Variants in LRP1B observed in about 807,000 individuals in gnomAD.
The protein encoded by LRP1B is LDL receptor related protein 1B.
Under a neutral mutation model 556.6 loss-of-function variants are expected in LRP1B, and 217 were observed. That is an observed-to-expected ratio of 0.39 (90% CI 0.35 to 0.44). The LOEUF (loss-of-function observed/expected upper bound fraction) is 0.44. LRP1B is among the 20% of genes least tolerant of loss of function. The pLI, the probability that LRP1B is intolerant of heterozygous loss-of-function variation, is 1.00. For missense variants in LRP1B, 5,053 were observed against 5,620.8 expected (o/e 0.90, Z 3.23); for synonymous variants, 2,047 against 1,865.8 (o/e 1.10, Z -2.50).
chr2:141,700,513 A>G (rs983327894), intron 2 of LRP1B, among the ~76,000 whole-genome samples: 1 of 151,778 alleles, frequency 6.6e-6, no homozygotes, highest in Non-Finnish European at 1.5e-5. Flanking sequence ...TTTACATGTA[A>G]CCCATAAATT....
intron 2 of LRP1B, among the ~76,000 whole-genome samples, chr2:141,772,520 G>A (rs1898424): frequency 0.3 from 45,930 of 152,062 alleles, 7,277 homozygotes; most frequent in African/African-American, 0.41. Context: ...CCAAGACCCA[G>A]TGAATCAGTA....
At chr2:140,583,973 G>A (rs1233265578) in intron 43 of LRP1B, among the ~76,000 whole-genome samples, 2 of 152,082 alleles carry the variant, frequency 1.3e-5, no homozygotes, top group Non-Finnish European at 2.9e-5. Flanking sequence ...GAGTTATTTA[G>A]CTGTAGTCAT....
At chr2:142,055,508 T>C (rs781733926) in intron 1 of LRP1B, among the ~76,000 whole-genome samples, 27 of 152,172 alleles carry the variant, frequency 1.8e-4, no homozygotes, top group Non-Finnish European at 3.8e-4. Context: ...GCATAATTGT[T>C]TAATTCACCC....
intron 33 of LRP1B, 80 bp downstream of exon 33, chr2:140,776,018 A>G: frequency 4.3e-6 from 5 of 1,173,726 alleles, no homozygotes; most frequent in East Asian, 2.8e-5. Flanking sequence ...GAAACCTTTT[A>G]TTGTTGAATT....
At chr2:140,566,778 G>A (rs186785439) in intron 43 of LRP1B, among the ~76,000 whole-genome samples, 2 of 152,180 alleles carry the variant, frequency 1.3e-5, no homozygotes, top group East Asian at 1.9e-4. Context: ...ACACCTCCTG[G>A]GAAAACATAC....
chr2:140,622,991 G>T (rs1210069080), intron 41 of LRP1B, among the ~76,000 whole-genome samples: 2 of 152,096 alleles, frequency 1.3e-5, no homozygotes, highest in African/African-American at 4.8e-5. Context: ...CAGAAATGGA[G>T]AAATGAAATA....
chr2:141,431,318 A>C (rs932936222), intron 3 of LRP1B, among the ~76,000 whole-genome samples: 6 of 152,062 alleles, frequency 3.9e-5, no homozygotes, highest in African/African-American at 9.7e-5. Flanking sequence ...TCTGAGATGT[A>C]ATAGGCTACA....
intron 3 of LRP1B, among the ~76,000 whole-genome samples, chr2:141,470,555 A>G (rs1682423375): frequency 6.6e-6 from 1 of 152,176 alleles, no homozygotes. Flanking sequence ...CTCTGGGTTG[A>G]TATGTTAAGG....
chr2:140,239,915 A>G (rs997367435), intron 87 of LRP1B, among the ~76,000 whole-genome samples: 1 of 151,022 alleles, frequency 6.6e-6, no homozygotes, highest in Middle Eastern at 3.4e-3. Flanking sequence ...CACTGACCAC[A>G]TTCCCACCCT....
rs369991772 is a variant in LRP1B at position 142,059,706 on chromosome 2, C to T, written c.82+70942G>A. On this transcript the variant is annotated intron_variant, in intron 1 of 90. Coordinates refer to ENST00000389484, the MANE Select transcript of LRP1B (RefSeq NM_018557.3). ...GAAATGACTGCTTCTTTCTCTCCTT[C>T]CACATGACTGCCTTATTTTTATTTC... Among the ~76,000 whole-genome samples the T allele has an allele frequency of 3.3e-5, 5 of 152,152 alleles. No individual in the cohort carries two copies. The East Asian group carries it at 5.8e-4, about 18-fold the overall frequency.
intron 11 of LRP1B, among the ~76,000 whole-genome samples, chr2:141,020,504 C>T (rs562404394): frequency 6.6e-6 from 1 of 152,084 alleles, no homozygotes; most frequent in African/African-American, 2.4e-5. Flanking sequence ...TCTACTAGTA[C>T]TGTGTCAGCA....
chr2:140,561,239 C>G (rs993412748), intron 43 of LRP1B, among the ~76,000 whole-genome samples: 4 of 152,168 alleles, frequency 2.6e-5, no homozygotes, highest in African/African-American at 9.7e-5. Context: ...CTATCCTACC[C>G]TTGTACTACA....
intron 2 of LRP1B, among the ~76,000 whole-genome samples, chr2:141,743,501 C>CTTTTTTTTTTT (rs796287062): frequency 1.3e-4 from 16 of 119,012 alleles, no homozygotes; most frequent in East Asian, 4.9e-4. Context: ...TTTTTTTTTT[C>CTTTTTTTTTTT]TTTTTTTTTT....
At chr2:141,684,618 T>A (rs1308591835) in intron 2 of LRP1B, among the ~76,000 whole-genome samples, 5 of 151,154 alleles carry the variant, frequency 3.3e-5, no homozygotes, top group African/African-American at 7.3e-5. Context: ...GAAAAAAAAA[T>A]TGAACAGCGA....
intron 2 of LRP1B, among the ~76,000 whole-genome samples, chr2:141,733,420 A>C (rs565898401): frequency 6.6e-6 from 1 of 152,190 alleles, no homozygotes; most frequent in South Asian, 2.1e-4. Flanking sequence ...CGGGTTTAGC[A>C]TCTCTCACCT....
At chr2:141,414,877 C>T (rs4954905) in intron 3 of LRP1B, among the ~76,000 whole-genome samples, 152,105 of 152,336 alleles carry the variant, frequency 1, 75,937 homozygotes, top group Middle Eastern at 1. Flanking sequence ...AATCAATGTG[C>T]ATGCACATAT....
chr2:142,047,200 A>G (rs1205230026), intron 1 of LRP1B, among the ~76,000 whole-genome samples: 3 of 151,952 alleles, frequency 2.0e-5, no homozygotes, highest in Non-Finnish European at 2.9e-5. Flanking sequence ...ACATGGTAGT[A>G]TATGGAAATG....
intron 1 of LRP1B, among the ~76,000 whole-genome samples, chr2:141,955,465 C>T (rs540391641): frequency 6.6e-6 from 1 of 152,174 alleles, no homozygotes; most frequent in Non-Finnish European, 1.5e-5. Flanking sequence ...ATTAACAGTG[C>T]TAATGTGGAC....
At chr2:141,648,157 G>A (rs537605129) in intron 2 of LRP1B, among the ~76,000 whole-genome samples, 9 of 152,150 alleles carry the variant, frequency 5.9e-5, no homozygotes, top group East Asian at 3.9e-4. Context: ...TTTGTGCTGT[G>A]AAGAAACATT....
Sources: gnomAD v4.1 joint callset for allele counts (sites outside exome capture counted in the v4.1 genomes callset) on GRCh38, gnomAD v4.1.1 for gene constraint, MANE v1.5 for transcripts, NCBI Gene and HGNC (gene_info 2026-07-23, HGNC 2026-07-21) for gene names.